The following RANBP6 variants were observed in gnomAD, a reference collection of about 807,000 sequenced individuals.
RANBP6 encodes the protein RAN binding protein 6, also known as ran-binding protein 6.
In RANBP6, 10 loss-of-function variants were observed where a neutral mutation model predicts 35.3. That is an observed-to-expected ratio of 0.28 (90% CI 0.17 to 0.48). The LOEUF (loss-of-function observed/expected upper bound fraction) is 0.48, where lower values mean the gene tolerates loss of function less well. Among genes scored for constraint, RANBP6 ranks in the 20% least tolerant of loss-of-function variants. The probability of loss-of-function intolerance (pLI) is 0.99; values close to 1 mark genes in which losing one functional copy is unlikely to be tolerated. For synonymous variants in RANBP6, 514 were observed against 464.2 expected, an observed-to-expected ratio of 1.11 and a Z score of -1.38; for missense variants, 1,392 against 1,307.7, an observed-to-expected ratio of 1.06 and a Z score of -0.99.
In RANBP6 at chr9:6,013,785, T is replaced by G. The variant is rs748860062; in HGVS notation, c.1823A>C (p.Gln608Pro). 1 of 1,613,896 alleles carries G rather than the reference T, an allele frequency of 6.2e-7. No individual in the cohort carries two copies. Among genetic ancestry groups the G allele is most frequent in the Non-Finnish European group, 8.5e-7 (1 of 1,180,042 alleles). The change falls in exon 1 of 1, where the codon CAG becomes CCG. Residue 608 changes from glutamine to proline, a missense_variant. Physicochemically the swap from Gln to Pro is moderately conservative, Grantham distance 76 (BLOSUM62 -1). Coordinates refer to ENST00000259569, the MANE Select transcript of RANBP6 (RefSeq NM_012416.4). ...CCATGCTGAAACCATGTAAGAGGTC[T>G]GAGGGTCATCATCTTCCATATTATT... ...DLNNMEDDDP[Q>P]TSYMVSAWAR...
In RANBP6 at chr9:6,015,218, A is replaced by T. The variant is rs1842552989; in HGVS notation, c.390T>A (p.Asp130Glu). ...CCGGCCAGTGGTTAGTGCCATCCTC[A>T]TCTATCAAATTCCTGGCCAGCACTG... is the stretch of plus-strand genomic sequence containing the variant. ...IFAVLARNLI[D>E]EDGTNHWPEG... Residue 130 changes from aspartate (D) to glutamate (E), a missense_variant, in exon 1 of 1, where the codon GAT (aspartate) becomes GAA (glutamate). Asp to Glu is a conservative substitution (Grantham distance 45). Transcript: ENST00000259569. The T allele has an allele frequency of 1.9e-6, 3 of 1,614,072 alleles. No individual in the cohort carries two copies. Among genetic ancestry groups the T allele is most frequent in the Non-Finnish European group, 2.5e-6 (3 of 1,180,038 alleles).
Position 6,011,274 on chromosome 9 carries a change from T to A in RANBP6, c.*1016A>T, listed in dbSNP as rs1842465370. On this transcript the variant is annotated 3_prime_UTR_variant, in exon 1 of 1. Transcript: ENST00000259569. ...TTATAGAACTGTTTTCTCATAATAATGCACATCTACTGCTAAATGACTACT... is the reference window on the plus strand; with the variant it reads ...TTATAGAACTGTTTTCTCATAATAAAGCACATCTACTGCTAAATGACTACT... The A allele has an allele frequency of 6.6e-6, 1 of 152,242 alleles. No individual in the cohort carries two copies. Among genetic ancestry groups the A allele is most frequent in the African/African-American group, 2.4e-5 (1 of 41,462 alleles). 9.4% of individuals were successfully genotyped at this position (152,242 alleles called of 1,614,324 possible).
At position 6,015,586 on chromosome 9, in the gene RANBP6, C is replaced by T. The variant is rs373302472; in HGVS notation, c.22G>A (p.Gly8Arg). The T allele has an allele frequency of 1.3e-6, 2 of 1,599,374 alleles. No homozygotes were observed. The highest frequency in any genetic ancestry group is 1.7e-6 in the Non-Finnish European group (2 of 1,177,818). The change falls in exon 1 of 1, where the codon GGG becomes AGG. Residue 8 changes from glycine (G) to arginine (R), a missense_variant. Coordinates refer to ENST00000259569, the MANE Select transcript of RANBP6 (RefSeq NM_012416.4). MAATASA[G>R]VPATVSEKQE... ...TTTTCTGACACGGTCGCCGGCACCC[C>T]TGCAGACGCGGTTGCCGCCATTGCG...
In RANBP6 at chr9:6,011,742, G is replaced by A. The variant is rs1032195404; in HGVS notation, c.*548C>T. 1.3e-5 allele frequency: 2 copies of A among 152,436 alleles called. No homozygotes were observed. The highest frequency in any genetic ancestry group is 2.9e-5 in the Non-Finnish European group (2 of 68,134). 9.4% of individuals were successfully genotyped at this position (152,436 alleles called of 1,614,324 possible). A position where few individuals can be genotyped will look rare whatever the true frequency, so the allele number is the denominator to read the frequency against. ...ATGGATATGTCCTACCCAGTTCCCA[G>A]GAGTACATTATGAAGAAGTTCATAT... On this transcript the variant is annotated 3_prime_UTR_variant, in exon 1 of 1. Coordinates refer to ENST00000259569, the MANE Select transcript of RANBP6 (RefSeq NM_012416.4).
At position 6,013,350 on chromosome 9, in the gene RANBP6, A is replaced by C; in HGVS notation, c.2258T>G (p.Met753Arg). 2.5e-6 allele frequency: 4 copies of C among 1,614,198 alleles called. No individual in the cohort carries two copies. The highest frequency in any genetic ancestry group is 3.4e-6 in the Non-Finnish European group (4 of 1,179,994). Residue 753 changes from methionine to arginine, a missense_variant, in exon 1 of 1, where the codon ATG (methionine) becomes AGG (arginine). Coordinates refer to ENST00000259569, the MANE Select transcript of RANBP6 (RefSeq NM_012416.4). ...TAAGGGGTCACATATGAATTGCCAC[A>C]TCTGTGCAAGATACTCTGGGCCACG... is the stretch of plus-strand genomic sequence containing the variant. ...RIRGPEYLAQ[M>R]WQFICDPLIK...
Position 6,015,019 on chromosome 9 carries a change from T to C in RANBP6, c.589A>G (p.Ile197Val), listed in dbSNP as rs139108752. The change falls in exon 1 of 1, where the codon ATC (isoleucine) becomes GTC (valine). Residue 197 changes from isoleucine to valine, a missense_variant. By Grantham distance (29) the Ile-to-Val change is conservative (BLOSUM62 3). Transcript: ENST00000259569. Reference sequence around the variant, plus strand: ...GCAGCTCTAGCGGATAATGTCCTGATTGCTGGATGTTCTTGATCTTGAATA... The same window carrying C: ...GCAGCTCTAGCGGATAATGTCCTGACTGCTGGATGTTCTTGATCTTGAATA... Reference protein sequence around the residue: ...QCIQDQEHPAIRTLSARAAAA... With the variant: ...QCIQDQEHPAVRTLSARAAAA... The C allele has an allele frequency of 2.1e-5, 34 of 1,614,104 alleles. No individual in the cohort carries two copies. The highest frequency in any genetic ancestry group is 2.8e-5 in the Non-Finnish European group (33 of 1,180,054).
rs1454366211 is a variant in RANBP6 at position 6,012,837 on chromosome 9, T to A, written c.2771A>T (p.Asp924Val). 3 of 1,614,026 alleles carry A rather than the reference T, an allele frequency of 1.9e-6. No homozygotes were observed. The highest frequency in any genetic ancestry group is 2.2e-5 in the East Asian group (1 of 44,898). The change falls in exon 1 of 1, where the codon GAT becomes GTT. Residue 924 changes from aspartate (D) to valine (V), a missense_variant. Asp to Val is a radical substitution (Grantham distance 152). Transcript: ENST00000259569. The part of the protein sequence containing the change: ...FRWPMLLNMR[D>V]NNPEVRQAAA... ...AGCTTGCCTGACTTCAGGGTTGTTA[T>A]CTCGCATATTTAGTAGCATTGGCCA...
In RANBP6 at chr9:6,013,311, C is replaced by T. The variant is rs780129060; in HGVS notation, c.2297G>A (p.Gly766Asp). The T allele has an allele frequency of 5.0e-6, 8 of 1,614,154 alleles. No individual in the cohort carries two copies. In the East Asian group the frequency reaches 1.3e-4, roughly 27 times the overall value. Residue 766 changes from glycine (G) to aspartate (D), a missense_variant, in exon 1 of 1, where the codon GGT (glycine) becomes GAT (aspartate). Gly to Asp is a moderately conservative substitution (Grantham distance 94). Coordinates refer to ENST00000259569, the MANE Select transcript of RANBP6 (RefSeq NM_012416.4). The part of the protein sequence containing the change: ...FICDPLIKAI[G>D]TEPDTDVLSE... ...GAGCACATCTGTATCTGGTTCAGTACCAATAGCCTTGATTAAGGGGTCACA... is the reference window on the plus strand; with the variant it reads ...GAGCACATCTGTATCTGGTTCAGTATCAATAGCCTTGATTAAGGGGTCACA...
In RANBP6 at chr9:6,013,800, T is replaced by G. The variant is rs1842522496; in HGVS notation, c.1808A>C (p.Glu603Ala). ...LKTQSDLNNM[E>A]DDDPQTSYMV... ...GTAAGAGGTCTGAGGGTCATCATCT[T>G]CCATATTATTTAAGTCTGATTGTGT... Residue 603 changes from glutamate to alanine, a missense_variant, in exon 1 of 1, where the codon GAA (glutamate) becomes GCA (alanine). Transcript: ENST00000259569. The G allele has an allele frequency of 2.5e-6, 4 of 1,613,924 alleles. No homozygotes were observed. The highest frequency in any genetic ancestry group is 1.1e-5 in the South Asian group (1 of 91,088).
Position 6,013,680 on chromosome 9 carries a change from G to T in RANBP6, c.1928C>A (p.Ser643Ter). 6.2e-7 allele frequency: 1 copy of T among 1,614,154 alleles called. No homozygotes were observed. The highest frequency in any genetic ancestry group is 8.5e-7 in the Non-Finnish European group (1 of 1,180,022). Residue 643 changes from serine to a stop codon, truncating the protein, a stop_gained, in exon 1 of 1, where the codon TCA (serine) becomes TAA (stop). Coordinates refer to ENST00000259569, the MANE Select transcript of RANBP6 (RefSeq NM_012416.4). LOFTEE classifies it low-confidence loss of function (END_TRUNC). ...TAAGAGAGCAACATCAGGTTTAGCT[G>T]AAGCAGTCTTAATAAGAGGCTCGAT... ...LVIEPLIKTA[S>*]AKPDVALLDT... is the part of the protein sequence containing the mutation.
In RANBP6 at chr9:6,013,713, G is replaced by T. The variant is rs956655534; in HGVS notation, c.1895C>A (p.Pro632Gln). The change falls in exon 1 of 1, where the codon CCA (proline) becomes CAA (glutamine). Residue 632 changes from proline (P) to glutamine (Q), a missense_variant. By Grantham distance (76) the Pro-to-Gln change is moderately conservative. Transcript: ENST00000259569. ...CTTAATAAGAGGCTCGATAACCAGT[G>T]GAAGGTACTGTTGAAAATCTTTTCC... is the stretch of plus-strand genomic sequence containing the variant. ...ILGKDFQQYLPLVIEPLIKTA... is the reference protein window; with the variant it reads ...ILGKDFQQYLQLVIEPLIKTA... 6.2e-7 allele frequency: 1 copy of T among 1,613,970 alleles called. No homozygotes were observed. Among genetic ancestry groups the T allele is most frequent in the South Asian group, 1.1e-5 (1 of 91,058 alleles).
rs574224935 is a variant in RANBP6 at position 6,013,027 on chromosome 9, A to G, written c.2581T>C (p.Tyr861His). 1.9e-6 allele frequency: 3 copies of G among 1,613,652 alleles called. No homozygotes were observed. Among genetic ancestry groups the G allele is most frequent in the Admixed American group, 1.7e-5 (1 of 59,962 alleles). The stretch of plus-strand genomic sequence containing the variant: ...AACCATGGTAAAATCTTTTCCTTAT[A>G]AGTACTAAATAATGAGTGCAAAATA... ...SDILHSLFST[Y>H]KEKILPWFEQ... Residue 861 changes from tyrosine (Y) to histidine (H), a missense_variant, in exon 1 of 1, where the codon TAT (tyrosine) becomes CAT (histidine). By Grantham distance (83) the Tyr-to-His change is moderately conservative (BLOSUM62 2). Transcript: ENST00000259569.
Position 6,012,558 on chromosome 9 carries a change from G to C in RANBP6, c.3050C>G (p.Ala1017Gly). ...WLPLHEDKEE[A>G]IQTLSFLCDL... ...ACAGAGAAAACTCAAAGTCTGAATAGCTTCCTCTTTATCTTCATGCAGTGG... is the reference window on the plus strand; with the variant it reads ...ACAGAGAAAACTCAAAGTCTGAATACCTTCCTCTTTATCTTCATGCAGTGG... Residue 1017 changes from alanine (A) to glycine (G), a missense_variant, in exon 1 of 1, where the codon GCT becomes GGT. Coordinates refer to ENST00000259569, the MANE Select transcript of RANBP6 (RefSeq NM_012416.4). The C allele has an allele frequency of 6.2e-7, 1 of 1,613,848 alleles. No individual in the cohort carries two copies. The highest frequency in any genetic ancestry group is 8.5e-7 in the Non-Finnish European group (1 of 1,179,926).
At position 6,012,384 on chromosome 9, in the gene RANBP6, T is replaced by C. The variant is rs770269209; in HGVS notation, c.3224A>G (p.Gln1075Arg). Reference protein sequence around the residue: ...CAKRLANVVRQVQTSEDLWLE... With the variant: ...CAKRLANVVRRVQTSEDLWLE... ...CCATAAATCTTCAGAAGTCTGTACC[T>C]GACGCACGACATTAGCTAGGCGTTT... is the stretch of plus-strand genomic sequence containing the variant. Residue 1075 changes from glutamine (Q) to arginine (R), a missense_variant, in exon 1 of 1, where the codon CAG (glutamine) becomes CGG (arginine). Transcript: ENST00000259569. 6.2e-7 allele frequency: 1 copy of C among 1,613,928 alleles called. No individual in the cohort carries two copies. The highest frequency in any genetic ancestry group is 8.5e-7 in the Non-Finnish European group (1 of 1,179,904).
Position 6,014,822 on chromosome 9 carries a change from A to G in RANBP6, c.786T>C (p.Tyr262=), listed in dbSNP as rs1364945676. The G allele has an allele frequency of 1.9e-6, 3 of 1,614,250 alleles. No homozygotes were observed. The highest frequency in any genetic ancestry group is 1.3e-5 in the African/African-American group (1 of 75,082). The change falls in exon 1 of 1, where the codon TAT becomes TAC. Residue 262 remains tyrosine, a synonymous_variant. Transcript: ENST00000259569. ...ADTVPKYLGP[Y]LEDTLQLSLK... ...AACTCAACTGTAGAGTATCTTCTAA[A>G]TAAGGACCCAAGTACTTAGGTACGG...
Position 6,012,439 on chromosome 9 carries a change from C to G in RANBP6, c.3169G>C (p.Glu1057Gln), listed in dbSNP as rs1394657522. The G allele has an allele frequency of 2.5e-6, 4 of 1,613,792 alleles. No homozygotes were observed. ...ISIIAEGKIN[E>Q]TINYEDPCAK... is the part of the protein sequence containing the mutation. ...CAAGGATCCTCATAGTTAATAGTCTCATTAATTTTTCCTTCTGCAATTATA... is the reference window on the plus strand; with the variant it reads ...CAAGGATCCTCATAGTTAATAGTCTGATTAATTTTTCCTTCTGCAATTATA... The change falls in exon 1 of 1, where the codon GAG becomes CAG. Residue 1057 changes from glutamate (E) to glutamine (Q), a missense_variant. Glu to Gln is a conservative substitution (Grantham distance 29). Coordinates refer to ENST00000259569, the MANE Select transcript of RANBP6 (RefSeq NM_012416.4).
chr9:6,014,343 C>G lies in RANBP6; in HGVS notation c.1265G>C (p.Arg422Thr). Residue 422 changes from arginine (R) to threonine (T), a missense_variant, in exon 1 of 1, where the codon AGG (arginine) becomes ACG (threonine). Coordinates refer to ENST00000259569, the MANE Select transcript of RANBP6 (RefSeq NM_012416.4). The stretch of plus-strand genomic sequence containing the variant: ...TGTAGTACAGGCTGCAGCCCTCACC[C>G]TTGGATGAGGATCCTGAAGAAAAAG... Reference protein sequence around the residue: ...VLLFLQDPHPRVRAAACTTLG... With the variant: ...VLLFLQDPHPTVRAAACTTLG... 6.2e-7 allele frequency: 1 copy of G among 1,613,902 alleles called. No individual in the cohort carries two copies. The highest frequency in any genetic ancestry group is 1.3e-5 in the African/African-American group (1 of 75,064).
In RANBP6 at chr9:6,013,647, T is replaced by C; in HGVS notation, c.1961A>G (p.Gln654Arg). 6.2e-7 allele frequency: 1 copy of C among 1,614,242 alleles called. No homozygotes were observed. The highest frequency in any genetic ancestry group is 2.2e-5 in the East Asian group (1 of 44,892). The stretch of plus-strand genomic sequence containing the variant: ...ATCGTCACTCATATTTTCCACATCC[T>C]GTGTGTCTAAGAGAGCAACATCAGG... ...AKPDVALLDTQDVENMSDDDG... is the reference protein window; with the variant it reads ...AKPDVALLDTRDVENMSDDDG... The change falls in exon 1 of 1, where the codon CAG (glutamine) becomes CGG (arginine). Residue 654 changes from glutamine to arginine, a missense_variant. Coordinates refer to ENST00000259569, the MANE Select transcript of RANBP6 (RefSeq NM_012416.4).
rs757796976 is a variant in RANBP6 at position 6,013,739 on chromosome 9, A to G, written c.1869T>C (p.Leu623=). 3 of 1,614,000 alleles carry G rather than the reference A, an allele frequency of 1.9e-6. No homozygotes were observed. Among genetic ancestry groups the G allele is most frequent in the Non-Finnish European group, 2.5e-6 (3 of 1,180,024 alleles). Residue 623 remains leucine (L), a synonymous_variant, in exon 1 of 1, where the codon CTT becomes CTC. Coordinates refer to ENST00000259569, the MANE Select transcript of RANBP6 (RefSeq NM_012416.4). The part of the protein sequence containing the change: ...VSAWARMCKI[L]GKDFQQYLPL... ...GAAGGTACTGTTGAAAATCTTTTCC[A>G]AGAATTTTACACATTCTAGCCCATG...
Sources: gnomAD v4.1 joint callset for allele counts on GRCh38, gnomAD v4.1.1 for gene constraint, MANE v1.5 for transcripts, NCBI Gene and HGNC (gene_info 2026-07-23, HGNC 2026-07-21) for gene names.